ECE1: variants seen among roughly 807,000 people sequenced by gnomAD.
The protein encoded by ECE1 is endothelin converting enzyme 1, also known as endothelin-converting enzyme 1.
A neutral mutation model predicts 98.6 loss-of-function variants in ECE1; 35 were observed. That is an observed-to-expected ratio of 0.35 (90% CI 0.27 to 0.47). The LOEUF is 0.47. Among genes scored for constraint, ECE1 ranks in the 20% least tolerant of loss-of-function variants. The pLI is 1.00. For synonymous variants in ECE1, 394 were observed against 407.1 expected, an observed-to-expected ratio of 0.97 and a Z score of 0.39; for missense variants, 814 against 1,025.3, an observed-to-expected ratio of 0.79 and a Z score of 2.81.
intron 4 of ECE1, among the ~76,000 whole-genome samples, chr1:21,264,677 C>T (rs1194193392): frequency 6.6e-6 from 1 of 152,172 alleles, no homozygotes; most frequent in Non-Finnish European, 1.5e-5. Context: ...CAATACTGCC[C>T]CCAGGAATTT....
At chr1:21,305,356 C>T (rs138181118) in intron 1 of ECE1, among the ~76,000 whole-genome samples, 264 of 152,300 alleles carry the variant, frequency 1.7e-3, no homozygotes, top group Non-Finnish European at 3.1e-3. Context: ...TCAGGAAATA[C>T]GAGTTGAATG....
chr1:21,290,453 C>CGGGAT lies in ECE1; in HGVS notation c.-44_-40dup, dbSNP rs2098265526. On this transcript the variant is annotated 5_prime_UTR_variant, in exon 1 of 19. Coordinates refer to ENST00000374893, the MANE Select transcript of ECE1 (RefSeq NM_001397.3). This position sits in a 1 kb window ranked among gnomAD's most constrained non-coding sequence, Gnocchi z 7.3. The stretch of plus-strand genomic sequence containing the variant: ...CGCCTGGTCCCGCTGCCCGGGTGGC[C>CGGGAT]GGGATGGGATGGGCCGGGCCAGGCG... 1.1e-5 allele frequency: 13 copies of CGGGAT among 1,228,828 alleles called. No homozygotes were observed. In the South Asian group the frequency reaches 3.3e-4, roughly 31 times the overall value. 76.1% of individuals were successfully genotyped at this position (1,228,828 alleles called of 1,614,324 possible).
chr1:21,288,507 C>T (rs1213661864), intron 2 of ECE1, among the ~76,000 whole-genome samples: 1 of 152,166 alleles, frequency 6.6e-6, no homozygotes, highest in East Asian at 1.9e-4. Context: ...CGGGGGCCCT[C>T]CCCAGAGAAA....
At chr1:21,290,613 T>TG (rs898489821), upstream of ECE1, 27 of 1,166,688 alleles carry the variant, frequency 2.3e-5, no homozygotes, top group Admixed American at 9.3e-4. This position sits in a 1 kb window ranked among gnomAD's most constrained non-coding sequence, Gnocchi z 7.3. Flanking sequence ...AGGTCGGGAG[T>TG]GGGGGCCCCC....
chr1:21,289,996 G>A, intron 2 of ECE1, 74 bp downstream of exon 2: 7 of 1,258,758 alleles, frequency 5.6e-6, no homozygotes, highest in Non-Finnish European at 7.0e-6. Context: ...GTAGGGGCGG[G>A]GGGCGCGGCA....
intron 1 of ECE1, among the ~76,000 whole-genome samples, chr1:21,302,089 C>T (rs1237334869): frequency 6.6e-6 from 1 of 152,218 alleles, no homozygotes; most frequent in Non-Finnish European, 1.5e-5. Flanking sequence ...GCATGGCATT[C>T]TAGCAGGCAG....
In ECE1 at chr1:21,237,740, C is replaced by T. The variant is rs559216804; in HGVS notation, c.1389+394G>A. Among the ~76,000 whole-genome samples the T allele has an allele frequency of 9.2e-5, 14 of 152,340 alleles. No homozygotes were observed. The South Asian group carries it at 2.9e-3, about 32-fold the overall frequency. The stretch of plus-strand genomic sequence containing the variant: ...AGCTTAGGCCGGGCTGTCTCCAAGG[C>T]GCTCTGCCATGGCACTCCTCTGCCT... On this transcript the variant is annotated intron_variant, in intron 11 of 18. Coordinates refer to ENST00000374893, the MANE Select transcript of ECE1 (RefSeq NM_001397.3).
At chr1:21,228,484 G>A (rs2098177342) in intron 14 of ECE1, among the ~76,000 whole-genome samples, 1 of 152,108 alleles carries the variant, frequency 6.6e-6, no homozygotes, top group South Asian at 2.1e-4. Context: ...AGAGCAGGAA[G>A]GGCCATTAGA....
At chr1:21,289,299 A>G (rs571714668) in intron 2 of ECE1, among the ~76,000 whole-genome samples, 1 of 152,094 alleles carries the variant, frequency 6.6e-6, no homozygotes, top group African/African-American at 2.4e-5. Context: ...CTTCCCACGC[A>G]CCTGGCTGGC....
chr1:21,321,453 GC>G (rs757060886), intron 1 of ECE1, among the ~76,000 whole-genome samples: 2 of 152,200 alleles, frequency 1.3e-5, no homozygotes, highest in Non-Finnish European at 2.9e-5. Flanking sequence ...GGGGACCTAG[GC>G]CTGACCACAG....
chr1:21,258,760 C>T lies in ECE1; in HGVS notation c.695G>A (p.Arg232His), dbSNP rs928220018. Residue 232 changes from arginine to histidine, a missense_variant, in exon 6 of 19, where the codon CGC becomes CAC. Arg to His is a conservative substitution (Grantham distance 29). Coordinates refer to ENST00000374893, the MANE Select transcript of ECE1 (RefSeq NM_001397.3). This position sits in a 1 kb window ranked among gnomAD's most constrained non-coding sequence, Gnocchi z 4.2. Reference protein sequence around the residue: ...DTLQVVTAHYRTSPFFSVYVS... With the variant: ...DTLQVVTAHYHTSPFFSVYVS... ...ATAGACAGAGAAGAAGGGTGAGGTG[C>T]GGTAGTGGGCGGTGACCACCTGCAG... 1.1e-5 allele frequency: 17 copies of T among 1,614,060 alleles called. No homozygotes were observed. The highest frequency in any genetic ancestry group is 4.5e-5 in the East Asian group (2 of 44,900).
At position 21,219,760 on chromosome 1, in the gene ECE1, G is replaced by A. The variant is rs940491947; in HGVS notation, c.*195C>T. The A allele has an allele frequency of 3.8e-5, 26 of 679,044 alleles. No individual in the cohort carries two copies. Among genetic ancestry groups the A allele is most frequent in the African/African-American group, 2.1e-4 (12 of 56,270 alleles). 42.1% of individuals were successfully genotyped at this position (679,044 alleles called of 1,614,324 possible). ...GCGCACACGTGTGCCTGGGATGTCC[G>A]GCTCTTCACAGGGGATCAGACTGCG... On this transcript the variant is annotated 3_prime_UTR_variant, in exon 19 of 19. Coordinates refer to ENST00000374893, the MANE Select transcript of ECE1 (RefSeq NM_001397.3). This position sits in a 1 kb window ranked among gnomAD's most constrained non-coding sequence, Gnocchi z 4.5.
intron 1 of ECE1, among the ~76,000 whole-genome samples, chr1:21,320,417 T>TTA (rs1638938492): frequency 7.4e-6 from 1 of 135,972 alleles, no homozygotes; most frequent in South Asian, 2.1e-4. Flanking sequence ...GAAATAAGCT[T>TTA]TTTAAAAAAA....
chr1:21,225,925 C>A lies in ECE1; in HGVS notation c.1850-485G>T, dbSNP rs550687646. Among the ~76,000 whole-genome samples, 1 of 151,818 alleles carries A rather than the reference C, an allele frequency of 6.6e-6. No individual in the cohort carries two copies. The highest frequency in any genetic ancestry group is 1.9e-4 in the East Asian group (1 of 5,166). Reference sequence around the variant, plus strand: ...GGCCAGGCTGGTCTTGAACTCCTGACCTCAAGTGATCTGCCCACCTCAGCC... The same window carrying A: ...GGCCAGGCTGGTCTTGAACTCCTGAACTCAAGTGATCTGCCCACCTCAGCC... On this transcript the variant is annotated intron_variant, in intron 16 of 18. Transcript: ENST00000374893. The surrounding 1 kb of genome is among the most constrained non-coding windows in gnomAD (Gnocchi z 5.3).
At position 21,258,581 on chromosome 1, in the gene ECE1, G is replaced by A; in HGVS notation, c.762+112C>T. ...AATAACCCAGGCTCAGAAACTAGAA[G>A]ACCGCCGTCCCACCCAGGGCAAGCC... On this transcript the variant is annotated intron_variant, in intron 6 of 18. Coordinates refer to ENST00000374893, the MANE Select transcript of ECE1 (RefSeq NM_001397.3). The surrounding 1 kb of genome is among the most constrained non-coding windows in gnomAD (Gnocchi z 4.2). 6.7e-7 allele frequency: 1 copy of A among 1,492,912 alleles called. No individual in the cohort carries two copies. Among genetic ancestry groups the A allele is most frequent in the Non-Finnish European group, 9.2e-7 (1 of 1,084,186 alleles). The allele number at this position is 1,492,912 out of a possible 1,614,324, so 92.5% of individuals were successfully genotyped here.
At chr1:21,281,239 C>A (rs375507369) in intron 2 of ECE1, among the ~76,000 whole-genome samples, 9 of 150,088 alleles carry the variant, frequency 6.0e-5, no homozygotes, top group East Asian at 5.8e-4. Context: ...AGCAAAGGAT[C>A]TTGGGGCTTA....
In ECE1 at chr1:21,220,973, TCTC is replaced by T. The variant is rs1196644533; in HGVS notation, c.2136+771_2136+773del. Reference sequence around the variant, plus strand: ...TCTAACGCAGTTGTCTCCAAACTGTTCTCCTTCAGCCAGCGCAGCATCTCTGAG... The same window carrying T: ...TCTAACGCAGTTGTCTCCAAACTGTTCTTCAGCCAGCGCAGCATCTCTGAG... On this transcript the variant is annotated intron_variant, in intron 18 of 18. Transcript: ENST00000374893. The surrounding 1 kb of genome is among the most constrained non-coding windows in gnomAD (Gnocchi z 5.0). Among the ~76,000 whole-genome samples, 1 of 152,136 alleles carries T rather than the reference TCTC, an allele frequency of 6.6e-6. No homozygotes were observed. Among genetic ancestry groups the T allele is most frequent in the Non-Finnish European group, 1.5e-5 (1 of 68,014 alleles).
chr1:21,333,251 C>T (rs1309677662), intron 1 of ECE1, among the ~76,000 whole-genome samples: 3 of 143,750 alleles, frequency 2.1e-5, no homozygotes, highest in East Asian at 2.3e-4. Context: ...GTTTTTCACC[C>T]GGGACCTGCA....
chr1:21,251,574 C>T (rs2098212873), intron 8 of ECE1, among the ~76,000 whole-genome samples: 1 of 152,146 alleles, frequency 6.6e-6, no homozygotes, highest in African/African-American at 2.4e-5. Context: ...GTAACTCTTC[C>T]CACCGTGGCT....
Sources: allele counts gnomAD v4.1 joint callset (sites outside exome capture counted in the v4.1 genomes callset), GRCh38; gene constraint gnomAD v4.1.1; non-coding constraint Gnocchi (gnomAD v3.1); transcripts MANE v1.5; gene names NCBI Gene and HGNC (gene_info 2026-07-23, HGNC 2026-07-21).